The following XRN1 variants were observed in gnomAD, a reference collection of about 807,000 sequenced individuals.
The protein encoded by XRN1 is strand-exchange protein 1 homolog.
XRN1 carries 67 observed loss-of-function variants against 222.3 expected under a neutral mutation model. That is an observed-to-expected ratio of 0.30 (90% CI 0.25 to 0.37). The LOEUF (loss-of-function observed/expected upper bound fraction) is 0.37, where lower values mean the gene tolerates loss of function less well. XRN1 is among the 10% of genes least tolerant of loss of function. The pLI is 1.00. For missense variants in XRN1, 1,707 were observed against 2,000.2 expected (o/e 0.85, Z 2.80); for synonymous variants, 643 against 652.4 (o/e 0.99, Z 0.22).
chr3:142,401,827 T>A (rs1393216684), intron 18 of XRN1, among the ~76,000 whole-genome samples: 2 of 152,198 alleles, frequency 1.3e-5, no homozygotes, highest in Non-Finnish European at 2.9e-5. Context: ...CTTCCACCAA[T>A]CTACCGAAAT....
intron 36 of XRN1, 25 bp downstream of exon 36, chr3:142,332,350 T>G (rs1413207555): frequency 6.7e-7 from 1 of 1,486,336 alleles, no homozygotes; most frequent in Non-Finnish European, 9.2e-7. Context: ...ATGATATTAT[T>G]GGTAATAGTA....
At position 142,343,315 on chromosome 3, in the gene XRN1, G is replaced by A. The variant is rs139830253; in HGVS notation, c.3877+3919C>T. Among the ~76,000 whole-genome samples the A allele has an allele frequency of 2.8e-3, 426 of 152,038 alleles. 3 individuals carry two copies. Among genetic ancestry groups the A allele is most frequent in the African/African-American group, 9.2e-3 (382 of 41,488 alleles). On this transcript the variant is annotated intron_variant, in intron 33 of 40. Coordinates refer to ENST00000392981, the MANE Select transcript of XRN1 (RefSeq NM_001282857.2). Reference sequence around the variant, plus strand: ...CTAAAAATACAAAAACTAGCCAGGCGTGGTGGCACACGCCTGTAATCCCAG... The same window carrying A: ...CTAAAAATACAAAAACTAGCCAGGCATGGTGGCACACGCCTGTAATCCCAG...
At chr3:142,434,790 A>G (rs940443156) in intron 1 of XRN1, among the ~76,000 whole-genome samples, 1 of 152,102 alleles carries the variant, frequency 6.6e-6, no homozygotes, top group Admixed American at 6.5e-5. Flanking sequence ...GAAGAATCAA[A>G]GGAAATTTGC....
rs139436779 is a variant in XRN1 at position 142,416,482 on chromosome 3, A to G, written c.1436+658T>C. On this transcript the variant is annotated intron_variant, in intron 13 of 40. Coordinates refer to ENST00000392981, the MANE Select transcript of XRN1 (RefSeq NM_001282857.2). Reference sequence around the variant, plus strand: ...TAGAGGCATGAGCCACTGTGCCCGAACACTTCAATAATTATTCTTGATAGA... The same window carrying G: ...TAGAGGCATGAGCCACTGTGCCCGAGCACTTCAATAATTATTCTTGATAGA... Among the ~76,000 whole-genome samples, 53 of 152,258 alleles carry G rather than the reference A, an allele frequency of 3.5e-4. 1 individual carries two copies. Among genetic ancestry groups the G allele is most frequent in the African/African-American group, 1.2e-3 (48 of 41,564 alleles).
In XRN1 at chr3:142,422,810, G is replaced by A. The variant is rs749943112; in HGVS notation, c.798+25C>T. The A allele has an allele frequency of 1.1e-5, 17 of 1,599,642 alleles. No homozygotes were observed. In the Admixed American group the frequency reaches 2.8e-4, roughly 26 times the overall value. On this transcript the variant is annotated intron_variant, in intron 7 of 40. Transcript: ENST00000392981. ...GAAAATTTCTGCAATGGAAATCCTTGGTCCATGGCTTTATTAATACTTACT... is the reference window on the plus strand; with the variant it reads ...GAAAATTTCTGCAATGGAAATCCTTAGTCCATGGCTTTATTAATACTTACT...
At chr3:142,367,606 C>T (rs989808960) in intron 27 of XRN1, among the ~76,000 whole-genome samples, 1 of 151,852 alleles carries the variant, frequency 6.6e-6, no homozygotes, top group South Asian at 2.1e-4. Flanking sequence ...AGTGCAGTAA[C>T]GTGATCATAG....
Position 142,362,291 on chromosome 3 carries a change from C to G in XRN1, c.3395-2360G>C, listed in dbSNP as rs1014814756. Reference sequence around the variant, plus strand: ...TAGCTGGGATTACAGGCATGCACCACCATGCCTGGCTAATTTTTGTATTTT... The same window carrying G: ...TAGCTGGGATTACAGGCATGCACCAGCATGCCTGGCTAATTTTTGTATTTT... On this transcript the variant is annotated intron_variant, in intron 29 of 40. Transcript: ENST00000392981. 8.5e-5 allele frequency among the ~76,000 whole-genome samples: 13 copies of G among 152,100 alleles called. 1 individual carries two copies. The highest frequency in any genetic ancestry group is 1.9e-4 in the Non-Finnish European group (13 of 68,010).
At chr3:142,322,918 G>A (rs1188975153) in intron 37 of XRN1, among the ~76,000 whole-genome samples, 3 of 152,062 alleles carry the variant, frequency 2.0e-5, no homozygotes, top group Admixed American at 6.6e-5. Flanking sequence ...CAGGATAATC[G>A]CTTGAACCCG....
rs1156261092 is a variant in XRN1 at position 142,309,896 on chromosome 3, T to C, written c.*1615A>G. On this transcript the variant is annotated 3_prime_UTR_variant, in exon 41 of 41. Transcript: ENST00000392981. ...GAGAGAGTTTATGAGGCAATAATTA[T>C]ACACATTGAGGATTTACTTGAGCCT... is the stretch of plus-strand genomic sequence containing the variant. 6.6e-6 allele frequency: 1 copy of C among 152,414 alleles called. No homozygotes were observed. The highest frequency in any genetic ancestry group is 1.5e-5 in the Non-Finnish European group (1 of 68,034). 9.4% of individuals were successfully genotyped at this position (152,414 alleles called of 1,614,324 possible). A position where few individuals can be genotyped will look rare whatever the true frequency, so the allele number is the denominator to read the frequency against.
Position 142,399,800 on chromosome 3 carries a change from TAA to T in XRN1, c.2207+642_2207+643del, listed in dbSNP as rs10598032. ...AAAATTCTAAACCTATGTGTAAATTTAAAAAAAAAAAAAGACATTTCGGATGT... is the reference window on the plus strand; with the variant it reads ...AAAATTCTAAACCTATGTGTAAATTTAAAAAAAAAAAGACATTTCGGATGT... On this transcript the variant is annotated intron_variant, in intron 19 of 40. Coordinates refer to ENST00000392981, the MANE Select transcript of XRN1 (RefSeq NM_001282857.2). Among the ~76,000 whole-genome samples the T allele has an allele frequency of 1.0e-2, 1,437 of 144,030 alleles. 22 individuals are homozygous for T. Among genetic ancestry groups the T allele is most frequent in the African/African-American group, 0.034 (1,345 of 39,704 alleles). The allele number at this position is 144,030 out of a possible 152,430, so 94.5% of individuals were successfully genotyped here. A position where few individuals can be genotyped will look rare whatever the true frequency, so the allele number is the denominator to read the frequency against.
rs2068816690 is a variant in XRN1 at position 142,417,047 on chromosome 3, GT to G, written c.1436+92del. On this transcript the variant is annotated intron_variant, in intron 13 of 40. Coordinates refer to ENST00000392981, the MANE Select transcript of XRN1 (RefSeq NM_001282857.2). ...AAAAAAAAAAAAAAAATTACCATAAGTAGAAATAAAAGGAAGTGCTTCCTAA... is the reference window on the plus strand; with the variant it reads ...AAAAAAAAAAAAAAAATTACCATAAGAGAAATAAAAGGAAGTGCTTCCTAA... 1.6e-5 allele frequency: 12 copies of G among 763,626 alleles called. No homozygotes were observed. The South Asian group carries it at 2.8e-4, about 18-fold the overall frequency. 47.3% of individuals were successfully genotyped at this position (763,626 alleles called of 1,614,324 possible).
intron 36 of XRN1, among the ~76,000 whole-genome samples, chr3:142,330,130 A>G (rs2065653706): frequency 6.6e-6 from 1 of 152,252 alleles, no homozygotes; most frequent in African/African-American, 2.4e-5. Flanking sequence ...TGCTACAGGT[A>G]AAATTTGAAC....
chr3:142,418,891 G>A lies in XRN1; in HGVS notation c.1174-10C>T. On this transcript the variant is annotated splice_polypyrimidine_tract_variant and intron_variant, in intron 10 of 40. Transcript: ENST00000392981. Reference sequence around the variant, plus strand: ...GAGAATTTTCCTGGCCCTGTAAATTGTAAATCAACATAAAATGAATGGCAA... The same window carrying A: ...GAGAATTTTCCTGGCCCTGTAAATTATAAATCAACATAAAATGAATGGCAA... The A allele has an allele frequency of 6.2e-7, 1 of 1,612,484 alleles. No individual in the cohort carries two copies. Among genetic ancestry groups the A allele is most frequent in the Non-Finnish European group, 8.5e-7 (1 of 1,178,668 alleles).
chr3:142,397,222 A>C, intron 20 of XRN1, 107 bp downstream of exon 20: 10 of 1,052,166 alleles, frequency 9.5e-6, no homozygotes, highest in Non-Finnish European at 1.3e-5. Context: ...TGAAGGTGTA[A>C]TTAGTATTCA....
chr3:142,346,452 T>A, intron 33 of XRN1, among the ~76,000 whole-genome samples: 1 of 151,950 alleles, frequency 6.6e-6, no homozygotes, highest in Admixed American at 6.6e-5. Context: ...GATTAAAAAG[T>A]GTGCACATGT....
At chr3:142,387,953 G>T (rs2067570556) in intron 20 of XRN1, among the ~76,000 whole-genome samples, 2 of 152,122 alleles carry the variant, frequency 1.3e-5, no homozygotes, top group Non-Finnish European at 2.9e-5. Flanking sequence ...TCTGCTATGA[G>T]TGGAAGCTTC....
At chr3:142,340,721 C>T (rs2065970335) in intron 33 of XRN1, among the ~76,000 whole-genome samples, 1 of 152,122 alleles carries the variant, frequency 6.6e-6, no homozygotes, top group South Asian at 2.1e-4. Flanking sequence ...ATACATCTGG[C>T]AGCAGACTTT....
intron 34 of XRN1, 75 bp from the exon 35 acceptor site, chr3:142,333,164 C>A: frequency 6.8e-7 from 1 of 1,462,044 alleles, no homozygotes; most frequent in Admixed American, 2.3e-5. Flanking sequence ...GTTTTATGTA[C>A]AAAAATGGTC....
intron 33 of XRN1, among the ~76,000 whole-genome samples, chr3:142,339,752 G>A (rs560726674): frequency 6.6e-6 from 1 of 151,914 alleles, no homozygotes; most frequent in South Asian, 2.1e-4. Context: ...GCAGTGAGAC[G>A]TAATAGTACC....
Sources: gnomAD v4.1 joint callset for allele counts (sites outside exome capture counted in the v4.1 genomes callset) on GRCh38, gnomAD v4.1.1 for gene constraint, MANE v1.5 for transcripts, NCBI Gene and HGNC (gene_info 2026-07-23, HGNC 2026-07-21) for gene names.